SDK2: variants seen among roughly 807,000 people sequenced by gnomAD.
The protein encoded by SDK2 is sidekick cell adhesion molecule 2.
Under a neutral mutation model 253.9 loss-of-function variants are expected in SDK2, and 105 were observed. That is an observed-to-expected ratio of 0.41 (90% CI 0.35 to 0.49). SDK2 has a LOEUF of 0.49. Among genes scored for constraint, SDK2 ranks in the 20% least tolerant of loss-of-function variants. The pLI, the probability that SDK2 is intolerant of heterozygous loss-of-function variation, is 0.06. For missense variants in SDK2, 2,608 were observed against 3,003.0 expected (o/e 0.87, Z 3.07); for synonymous variants, 1,249 against 1,234.9 (o/e 1.01, Z -0.24).
intron 36 of SDK2, 60 bp from the exon 37 acceptor site, chr17:73,368,653 C>T (rs1326064503): frequency 1.5e-6 from 2 of 1,371,666 alleles, no homozygotes; most frequent in African/African-American, 1.5e-5. Flanking sequence ...TCCCTCCTGT[C>T]CCTGCTGACC....
intron 1 of SDK2, among the ~76,000 whole-genome samples, chr17:73,627,167 C>A (rs916292096): frequency 2.0e-5 from 3 of 152,062 alleles, no homozygotes; most frequent in African/African-American, 7.2e-5. Context: ...ACATGTGAGG[C>A]GCTTAGAACA....
intron 1 of SDK2, among the ~76,000 whole-genome samples, chr17:73,527,544 A>G (rs1028825104): frequency 6.6e-6 from 1 of 152,148 alleles, no homozygotes; most frequent in African/African-American, 2.4e-5. Context: ...GGAAGAGGGA[A>G]CAGGAGAAGA....
rs180966024 is a variant in SDK2, at chr17:73,544,112, A to C, written c.65-36515T>G. ...GGCACCTGGAGGCAAGGAGATGCTA[A>C]AGGTTTATCCCATAATGACGGTCCC... On this transcript the variant is annotated intron_variant, in intron 1 of 44. Transcript: ENST00000392650. 6.6e-4 allele frequency among the ~76,000 whole-genome samples: 100 copies of C among 152,358 alleles called. 1 individual carries two copies. Among genetic ancestry groups the C allele is most frequent in the African/African-American group, 2.3e-3 (95 of 41,590 alleles).
At chr17:73,526,555 ATGCCTAGG>A (rs1325907433) in intron 1 of SDK2, among the ~76,000 whole-genome samples, 2 of 152,256 alleles carry the variant, frequency 1.3e-5, no homozygotes, top group East Asian at 3.9e-4. Context: ...CTTATAAATT[ATGCCTAGG>A]TGCTTGGATG....
chr17:73,483,691 A>G lies in SDK2; in HGVS notation c.225-11473T>C, dbSNP rs1290734543. On this transcript the variant is annotated intron_variant, in intron 2 of 44. Coordinates refer to ENST00000392650, the MANE Select transcript of SDK2 (RefSeq NM_001144952.2). The stretch of plus-strand genomic sequence containing the variant: ...TATATATATATATATATTTATATAT[A>G]TATATATATATATATATTTTTTTTT... Among the ~76,000 whole-genome samples, 43 of 69,072 alleles carry G rather than the reference A, an allele frequency of 6.2e-4. 1 individual carries two copies. Among genetic ancestry groups the G allele is most frequent in the African/African-American group, 1.4e-3 (24 of 16,636 alleles). 45.3% of individuals were successfully genotyped at this position (69,072 alleles called of 152,430 possible). A position where few individuals can be genotyped will look rare whatever the true frequency, so the allele number is the denominator to read the frequency against.
chr17:73,583,250 T>G (rs951443720), intron 1 of SDK2, among the ~76,000 whole-genome samples: 3 of 152,348 alleles, frequency 2.0e-5, no homozygotes, highest in African/African-American at 7.2e-5. Context: ...AGACCGTGGT[T>G]TCTTGCCCAC....
chr17:73,526,657 ATATGTGTGTGTTTGCATATG>A (rs1338896526), intron 1 of SDK2, among the ~76,000 whole-genome samples: 1 of 148,910 alleles, frequency 6.7e-6, no homozygotes, highest in Non-Finnish European at 1.5e-5. Flanking sequence ...GTATGTGTGC[ATATGTGTGTGTTTGCATATG>A]TGTGTGTTTG....
Position 73,437,790 on chromosome 17 carries a change from G to C in SDK2, c.949C>G (p.His317Asp). 6.2e-7 allele frequency: 1 copy of C among 1,614,008 alleles called. No individual in the cohort carries two copies. Among genetic ancestry groups the C allele is most frequent in the Non-Finnish European group, 8.5e-7 (1 of 1,179,894 alleles). ...ACCTTCTCCATCTCCGCAGTGATGT[G>C]TCTTTCTGGCTCCTTGACAAACTGA... ...PPQFVKEPER[H>D]ITAEMEKVVD... is the part of the protein sequence containing the mutation. Residue 317 changes from histidine (H) to aspartate (D), a missense_variant, in exon 8 of 45, where the codon CAC (histidine) becomes GAC (aspartate). His to Asp is a moderately conservative substitution (Grantham distance 81, BLOSUM62 -1). This residue lies in a region of SDK2 where 1,505 missense variants were observed against 1,859.1 expected (regional missense o/e 0.81). Transcript: ENST00000392650.
chr17:73,424,112 G>A lies in SDK2; in HGVS notation c.1584-20C>T, dbSNP rs749817709. On this transcript the variant is annotated intron_variant, in intron 12 of 44. Coordinates refer to ENST00000392650, the MANE Select transcript of SDK2 (RefSeq NM_001144952.2). ...ATGTACCTAAAAGTAAGAAGAACCC[G>A]TAAGTACAGAGGGAGAGGAAGGTAC... The A allele has an allele frequency of 3.6e-5, 57 of 1,602,262 alleles. 1 individual carries two copies. Among genetic ancestry groups the A allele is most frequent in the Middle Eastern group, 1.7e-4 (1 of 6,038 alleles).
intron 2 of SDK2, among the ~76,000 whole-genome samples, chr17:73,487,938 G>C (rs984815565): frequency 6.6e-6 from 1 of 152,188 alleles, no homozygotes. Context: ...GTCACTCACT[G>C]AGCACGTGAC....
Position 73,345,212 on chromosome 17 carries a change from G to A in SDK2, c.6165+3387C>T, listed in dbSNP as rs368660516. ...TAGGTGCCTGTAATCCCAGCTATTC[G>A]GGAGGCTGAGGCAGGAGAATCGCTT... On this transcript the variant is annotated intron_variant, in intron 44 of 44. Coordinates refer to ENST00000392650, the MANE Select transcript of SDK2 (RefSeq NM_001144952.2). Among the ~76,000 whole-genome samples the A allele has an allele frequency of 3.3e-5, 5 of 152,140 alleles. No homozygotes were observed. In the East Asian group the frequency reaches 5.8e-4, roughly 18 times the overall value.
chr17:73,368,342 G>A (rs1440863055), intron 37 of SDK2, 65 bp downstream of exon 37: 9 of 1,334,238 alleles, frequency 6.7e-6, no homozygotes, highest in Non-Finnish European at 8.8e-6. Context: ...CGGATGCCAG[G>A]TAGGTCCTCT....
intron 3 of SDK2, among the ~76,000 whole-genome samples, chr17:73,466,748 G>T (rs1002291322): frequency 4.7e-5 from 6 of 128,550 alleles, no homozygotes; most frequent in Non-Finnish European, 9.6e-5. Context: ...CTGCATCTTT[G>T]GGGGGCTCTG....
rs79663647 is a variant in SDK2, at chr17:73,458,305, T to A, written c.332-2252A>T. Among the ~76,000 whole-genome samples, 345 of 152,286 alleles carry A rather than the reference T, an allele frequency of 2.3e-3. 2 individuals carry two copies. The highest frequency in any genetic ancestry group is 7.6e-3 in the African/African-American group (316 of 41,562). ...CAACGTGAGCTAAGGCTGAGTTGGG[T>A]GGGTCTCAGAATCTCCTGAGACTTG... is the stretch of plus-strand genomic sequence containing the variant. On this transcript the variant is annotated intron_variant, in intron 3 of 44. Transcript: ENST00000392650.
intron 42 of SDK2, 74 bp from the exon 43 acceptor site, chr17:73,350,449 G>A (rs1181015549): frequency 1.9e-6 from 3 of 1,539,290 alleles, no homozygotes; most frequent in South Asian, 2.5e-5. Flanking sequence ...CCACCTGGCT[G>A]GGTTATCCCC....
intron 40 of SDK2, chr17:73,357,821 A>C: frequency 3.4e-6 from 2 of 595,712 alleles, no homozygotes; most frequent in East Asian, 3.3e-5. Context: ...TTCCTGAGCA[A>C]TCCTCAACCC....
chr17:73,348,467 G>C, intron 44 of SDK2, 132 bp downstream of exon 44: 1 of 1,107,638 alleles, frequency 9.0e-7, no homozygotes, highest in Non-Finnish European at 1.3e-6. Context: ...ATGACTTCAG[G>C]GTGGTTTCTT....
rs1454709464 is a variant in SDK2, at chr17:73,379,306, A to G, written c.4865-14T>C. On this transcript the variant is annotated splice_polypyrimidine_tract_variant and intron_variant, in intron 35 of 44. Coordinates refer to ENST00000392650, the MANE Select transcript of SDK2 (RefSeq NM_001144952.2). This position sits in a 1 kb window ranked among gnomAD's most constrained non-coding sequence, Gnocchi z 4.5. ...CTGCTGTGGGCACTGGAGGGCGTGC[A>G]GGGTAGGCAGTGAGCATGCGAGTAA... 6.6e-6 allele frequency: 9 copies of G among 1,361,644 alleles called. No homozygotes were observed. The highest frequency in any genetic ancestry group is 4.4e-5 in the Admixed American group (2 of 45,514). 84.3% of individuals were successfully genotyped at this position (1,361,644 alleles called of 1,614,324 possible).
At chr17:73,611,847 T>C (rs1041448386) in intron 1 of SDK2, among the ~76,000 whole-genome samples, 1 of 150,842 alleles carries the variant, frequency 6.6e-6, no homozygotes, top group African/African-American at 2.4e-5. Context: ...CTGGAGGGAG[T>C]CGCCACCAGA....
Sources: allele counts gnomAD v4.1 joint callset (sites outside exome capture counted in the v4.1 genomes callset), GRCh38; gene constraint gnomAD v4.1.1; regional missense constraint gnomAD v4.1.1; non-coding constraint Gnocchi (gnomAD v3.1); transcripts MANE v1.5; gene names NCBI Gene and HGNC (gene_info 2026-07-23, HGNC 2026-07-21).